Variants in C5orf24 observed in about 807,000 individuals in gnomAD.
C5orf24 encodes UPF0461 protein C5orf24.
In C5orf24, 4 loss-of-function variants were observed where a neutral mutation model predicts 9.8. The ratio of observed to expected loss-of-function variants is 0.41; its 90% confidence interval spans 0.20 to 0.93. The LOEUF (loss-of-function observed/expected upper bound fraction) is 0.93, where lower values mean the gene tolerates loss of function less well. Ranked by LOEUF, C5orf24 falls within the 40% of genes least tolerant of loss-of-function variation. The probability of loss-of-function intolerance (pLI) is 0.33; values close to 1 mark genes in which losing one functional copy is unlikely to be tolerated. For synonymous variants in C5orf24, 73 were observed against 81.3 expected, an observed-to-expected ratio of 0.90 and a Z score of 0.55; for missense variants, 170 against 236.9, an observed-to-expected ratio of 0.72 and a Z score of 1.85.
Position 134,859,129 on chromosome 5 carries a change from T to G in C5orf24, c.*3662T>G, listed in dbSNP as rs892460157. 1 of 166,958 alleles carries G rather than the reference T, an allele frequency of 6.0e-6. No individual in the cohort carries two copies. Among genetic ancestry groups the G allele is most frequent in the Non-Finnish European group, 1.5e-5 (1 of 68,046 alleles). 10.3% of individuals were successfully genotyped at this position (166,958 alleles called of 1,614,324 possible). ...AAAAAAGTAAATTTCTCCTTTATAT[T>G]CTAAGAAGCTTTAAAAGAACAATTC... On this transcript the variant is annotated 3_prime_UTR_variant, in exon 2 of 2. Transcript: ENST00000394976.
chr5:134,854,840 A>C (rs1756264033), intron 1 of C5orf24, 58 bp from the exon 2 acceptor site: 1 of 1,562,726 alleles, frequency 6.4e-7, no homozygotes, highest in Admixed American at 1.8e-5. Flanking sequence ...TGAATGCTGC[A>C]TACAGGTATG....
At chr5:134,839,207 A>AG in the C5orf24 span, among the ~76,000 whole-genome samples, 2 of 151,938 alleles carry the variant, frequency 1.3e-5, no homozygotes, top group Admixed American at 6.6e-5. Flanking sequence ...TCTCAAAAAA[A>AG]AAAAAAAACC....
intron 1 of C5orf24, among the ~76,000 whole-genome samples, chr5:134,850,937 T>TATATATATATAC (rs762710710): frequency 1.6e-3 from 230 of 147,046 alleles, no homozygotes; most frequent in African/African-American, 5.5e-3. Context: ...TATATATATA[T>TATATATATATAC]ACACACACAC....
chr5:134,850,968 C>T lies in C5orf24; in HGVS notation c.-3-3930C>T, dbSNP rs115765382. ...CACACACACACACTACACACACATA[C>T]ATATTTTATACATACAGAAATACAT... On this transcript the variant is annotated intron_variant, in intron 1 of 1. Coordinates refer to ENST00000394976, the MANE Select transcript of C5orf24 (RefSeq NM_001135586.1). Among the ~76,000 whole-genome samples, 368 of 149,180 alleles carry T rather than the reference C, an allele frequency of 2.5e-3. 1 individual carries two copies. Among genetic ancestry groups the T allele is most frequent in the African/African-American group, 8.7e-3 (346 of 39,786 alleles).
chr5:134,836,642 C>T, the C5orf24 span, among the ~76,000 whole-genome samples: 1 of 151,950 alleles, frequency 6.6e-6, no homozygotes, highest in African/African-American at 2.4e-5. Context: ...TTCTCGGGTT[C>T]AAGTGATCCT....
chr5:134,852,518 G>A (rs1232018170), intron 1 of C5orf24, among the ~76,000 whole-genome samples: 2 of 152,168 alleles, frequency 1.3e-5, no homozygotes, highest in Non-Finnish European at 1.5e-5. Flanking sequence ...TAAGTTTACA[G>A]TGGTTTTCGC....
At chr5:134,837,837 T>A in the C5orf24 span, among the ~76,000 whole-genome samples, 1 of 152,110 alleles carries the variant, frequency 6.6e-6, no homozygotes, top group Non-Finnish European at 1.5e-5. Flanking sequence ...CAAGACCCTA[T>A]CTTTCTTTTT....
chr5:134,839,284 A>G, the C5orf24 span, among the ~76,000 whole-genome samples: 1 of 152,096 alleles, frequency 6.6e-6, no homozygotes, highest in African/African-American at 2.4e-5. Context: ...CCAAATTCCA[A>G]TGATATGTTT....
upstream of C5orf24, among the ~76,000 whole-genome samples, chr5:134,844,390 G>A (rs376914816): frequency 6.6e-4 from 101 of 152,230 alleles, no homozygotes; most frequent in South Asian, 0.015. Flanking sequence ...CCAGGCTGGA[G>A]TGCAGTGGCA....
At chr5:134,853,012 A>C (rs147882753) in intron 1 of C5orf24, among the ~76,000 whole-genome samples, 1,873 of 152,106 alleles carry the variant, frequency 0.012, 39 homozygotes, top group African/African-American at 0.043. Flanking sequence ...AAAAATACAA[A>C]ATATTCGCCG....
rs1228830427 is a variant in C5orf24, at chr5:134,856,761, C to G, written c.*1294C>G. ...AATTGTCCCATTGCATTAGCACTTA[C>G]TGTGTTTTCAGGTTGATATCTACCA... On this transcript the variant is annotated 3_prime_UTR_variant, in exon 2 of 2. Coordinates refer to ENST00000394976, the MANE Select transcript of C5orf24 (RefSeq NM_001135586.1). The G allele has an allele frequency of 2.0e-6, 2 of 999,914 alleles. No homozygotes were observed. The highest frequency in any genetic ancestry group is 2.4e-6 in the Non-Finnish European group (2 of 829,722). The allele number at this position is 999,914 out of a possible 1,614,324, so 61.9% of individuals were successfully genotyped here. A position where few individuals can be genotyped will look rare whatever the true frequency, so the allele number is the denominator to read the frequency against.
the C5orf24 span, among the ~76,000 whole-genome samples, chr5:134,836,119 C>T: frequency 6.7e-6 from 1 of 148,682 alleles, no homozygotes; most frequent in African/African-American, 2.5e-5. Flanking sequence ...GAAGCCTATA[C>T]TCATTTATTT....
Position 134,855,635 on chromosome 5 carries a change from G to A in C5orf24, c.*168G>A. The A allele has an allele frequency of 1.4e-6, 2 of 1,469,530 alleles. No homozygotes were observed. Among genetic ancestry groups the A allele is most frequent in the Non-Finnish European group, 1.8e-6 (2 of 1,115,472 alleles). 91.0% of individuals were successfully genotyped at this position (1,469,530 alleles called of 1,614,324 possible). ...CAAAAACTGCCATATGCTGACAGAT[G>A]CACTCAGGGCATGAGCAGCGGCATT... On this transcript the variant is annotated 3_prime_UTR_variant, in exon 2 of 2. Transcript: ENST00000394976.
Position 134,850,217 on chromosome 5 carries a change from C to T in C5orf24, c.-4+4005C>T, listed in dbSNP as rs189498075. ...AGGCTGGAGTGCAGTGGCATGATCT[C>T]GGCTCACTGCAACCTCCTCCTCCCA... On this transcript the variant is annotated intron_variant, in intron 1 of 1. Transcript: ENST00000394976. Among the ~76,000 whole-genome samples, 461 of 149,972 alleles carry T rather than the reference C, an allele frequency of 3.1e-3. 2 individuals carry two copies. The highest frequency in any genetic ancestry group is 0.011 in the African/African-American group (443 of 40,710).
chr5:134,838,383 A>C, the C5orf24 span, among the ~76,000 whole-genome samples: 508 of 151,862 alleles, frequency 3.3e-3, 4 homozygotes, highest in Middle Eastern at 0.028. Context: ...TTAAAAGTGC[A>C]CTCCCGGCCG....
the C5orf24 span, among the ~76,000 whole-genome samples, chr5:134,839,264 G>A: frequency 6.6e-6 from 1 of 151,152 alleles, no homozygotes; most frequent in Non-Finnish European, 1.5e-5. Context: ...CATTCTTGTT[G>A]CACTTAACAC....
chr5:134,849,800 A>C (rs1478075549), intron 1 of C5orf24, among the ~76,000 whole-genome samples: 1 of 150,906 alleles, frequency 6.6e-6, no homozygotes, highest in Non-Finnish European at 1.5e-5. Context: ...TGGGATTACA[A>C]GTGCATGCCT....
Position 134,856,866 on chromosome 5 carries a change from A to G in C5orf24, c.*1399A>G. On this transcript the variant is annotated 3_prime_UTR_variant, in exon 2 of 2. Transcript: ENST00000394976. ...CCCGACCATCAGAACCCAAATATTA[A>G]GAAGCATATAGGAATCCATCTATGC... The G allele has an allele frequency of 1.0e-6, 1 of 1,000,424 alleles. No individual in the cohort carries two copies. Among genetic ancestry groups the G allele is most frequent in the South Asian group, 4.7e-5 (1 of 21,292 alleles). The allele number at this position is 1,000,424 out of a possible 1,614,324, so 62.0% of individuals were successfully genotyped here.
At chr5:134,839,864 C>T in the C5orf24 span, among the ~76,000 whole-genome samples, 9,954 of 151,470 alleles carry the variant, frequency 0.066, 694 homozygotes, top group African/African-American at 0.18. Flanking sequence ...ATTTTTTTTT[C>T]TTTGTATTTT....
Sources: allele counts gnomAD v4.1 joint callset (sites outside exome capture counted in the v4.1 genomes callset), GRCh38; gene constraint gnomAD v4.1.1; transcripts MANE v1.5; gene names NCBI Gene and HGNC (gene_info 2026-07-23, HGNC 2026-07-21).